Variants in BLMH observed in about 807,000 individuals in gnomAD.
BLMH encodes the protein BLM hydrolase.
A neutral mutation model predicts 61.6 loss-of-function variants in BLMH; 32 were observed. The observed-to-expected ratio is 0.52, with a 90% CI of 0.39 to 0.70. The LOEUF is 0.70. Among genes scored for constraint, BLMH ranks in the 30% least tolerant of loss-of-function variants. The pLI, the probability that BLMH is intolerant of heterozygous loss-of-function variation, is 0.00. For synonymous variants in BLMH, 183 were observed against 193.8 expected, an observed-to-expected ratio of 0.94 and a Z score of 0.46; for missense variants, 460 against 555.5, an observed-to-expected ratio of 0.83 and a Z score of 1.73.
At chr17:30,288,943 G>T (rs1221387907) in intron 3 of BLMH, among the ~76,000 whole-genome samples, 1 of 152,014 alleles carries the variant, frequency 6.6e-6, no homozygotes, top group Non-Finnish European at 1.5e-5. Flanking sequence ...CTCTAGCCCG[G>T]GTGGCAGGGT....
chr17:30,279,087 G>A lies in BLMH; in HGVS notation c.646-4890C>T, dbSNP rs182060076. 1.9e-3 allele frequency among the ~76,000 whole-genome samples: 297 copies of A among 152,320 alleles called. 1 individual carries two copies. The highest frequency in any genetic ancestry group is 0.01 in the Middle Eastern group (3 of 294). The stretch of plus-strand genomic sequence containing the variant: ...GAAAGCTGAAGGCAAAGATATACAC[G>A]GCTCAATGACACCTGGCAACTGATT... On this transcript the variant is annotated intron_variant, in intron 6 of 11. Coordinates refer to ENST00000261714, the MANE Select transcript of BLMH (RefSeq NM_000386.4).
chr17:30,291,271 G>C (rs1484560090), intron 2 of BLMH, 40 bp downstream of exon 2: 2 of 1,585,582 alleles, frequency 1.3e-6, no homozygotes, highest in Non-Finnish European at 1.7e-6. Context: ...GACGCTGTCA[G>C]GAAGGTCAAG....
chr17:30,257,443 TTG>T (rs2143020024), intron 11 of BLMH, among the ~76,000 whole-genome samples: 1 of 152,198 alleles, frequency 6.6e-6, no homozygotes, highest in Admixed American at 6.5e-5. Flanking sequence ...ATGTGTATGT[TTG>T]TACTAAAAAA....
rs532555937 is a variant in BLMH at position 30,283,272 on chromosome 17, TCTA to T, written c.645+2113_645+2115del. ...ATACTCAGGATTTGGTAAAGTTGGA[TCTA>T]CTATTTCTCTGAGGCAGGAGTAGGG... is the stretch of plus-strand genomic sequence containing the variant. On this transcript the variant is annotated intron_variant, in intron 6 of 11. Transcript: ENST00000261714. 3.0e-4 allele frequency among the ~76,000 whole-genome samples: 45 copies of T among 152,264 alleles called. 1 individual carries two copies. The highest frequency in any genetic ancestry group is 1.1e-3 in the African/African-American group (45 of 41,540).
chr17:30,281,175 CAGA>C (rs1908578193), intron 6 of BLMH, among the ~76,000 whole-genome samples: 1 of 148,224 alleles, frequency 6.7e-6, no homozygotes, highest in Admixed American at 6.8e-5. Context: ...TTTTCGGGCA[CAGA>C]AAGACATAAA....
At chr17:30,290,897 G>T (rs1004807836) in intron 2 of BLMH, 12 of 166,434 alleles carry the variant, frequency 7.2e-5, no homozygotes, top group African/African-American at 2.6e-4. Context: ...ACATTTTAAT[G>T]TAATTACATT....
Position 30,291,844 on chromosome 17 carries a change from A to G in BLMH, c.-25T>C. ...TGGCGCCCACGCTGCCCGGCGGGGT[A>G]ACGGTAGCTTCCAGGGTCCTTGGGC... is the stretch of plus-strand genomic sequence containing the variant. On this transcript the variant is annotated 5_prime_UTR_variant, in exon 1 of 12. Transcript: ENST00000261714. 1.5e-6 allele frequency: 2 copies of G among 1,339,696 alleles called. No homozygotes were observed. Among genetic ancestry groups the G allele is most frequent in the Non-Finnish European group, 1.9e-6 (2 of 1,049,852 alleles). 83.0% of individuals were successfully genotyped at this position (1,339,696 alleles called of 1,614,324 possible).
chr17:30,272,684 C>G, intron 8 of BLMH, 56 bp from the exon 9 acceptor site: 1 of 1,613,884 alleles, frequency 6.2e-7, no homozygotes, highest in Non-Finnish European at 8.5e-7. Flanking sequence ...TCCTATTATA[C>G]CAAAGAAGTA....
intron 3 of BLMH, 100 bp downstream of exon 3, chr17:30,289,273 T>C (rs1357427352): frequency 1.1e-5 from 7 of 624,136 alleles, no homozygotes; most frequent in South Asian, 1.1e-4. Context: ...TCACCTATTA[T>C]GAAAGGGCAG....
chr17:30,262,460 C>G (rs11651241), intron 11 of BLMH, among the ~76,000 whole-genome samples: 1 of 152,112 alleles, frequency 6.6e-6, no homozygotes, highest in Non-Finnish European at 1.5e-5. Flanking sequence ...ATCCTGTTTA[C>G]TTTATATATG....
At chr17:30,269,179 T>TA (rs1567834678) in intron 10 of BLMH, among the ~76,000 whole-genome samples, 1 of 144,350 alleles carries the variant, frequency 6.9e-6, no homozygotes, top group Non-Finnish European at 1.5e-5. Flanking sequence ...ATTTATTTAT[T>TA]GTTTTTTTTT....
rs1400501068 is a variant in BLMH, at chr17:30,260,921, C to G, written c.1216+5964G>C. Among the ~76,000 whole-genome samples the G allele has an allele frequency of 4.6e-5, 7 of 152,204 alleles. No individual in the cohort carries two copies. The South Asian group carries it at 8.3e-4, about 18-fold the overall frequency. On this transcript the variant is annotated intron_variant, in intron 11 of 11. Coordinates refer to ENST00000261714, the MANE Select transcript of BLMH (RefSeq NM_000386.4). ...AACAACGGCAACAAAAAGCCCTTATCAAAGAACCCAGAATCCAGATTAATG... is the reference window on the plus strand; with the variant it reads ...AACAACGGCAACAAAAAGCCCTTATGAAAGAACCCAGAATCCAGATTAATG...
intron 11 of BLMH, among the ~76,000 whole-genome samples, chr17:30,258,221 TAAA>T (rs1227765031): frequency 7.0e-6 from 1 of 142,864 alleles, no homozygotes; most frequent in Non-Finnish European, 1.5e-5. Flanking sequence ...GTTGGATGTT[TAAA>T]AAAAAAAAAG....
chr17:30,275,769 A>G (rs1908406857), intron 6 of BLMH, among the ~76,000 whole-genome samples: 1 of 152,192 alleles, frequency 6.6e-6, no homozygotes, highest in Non-Finnish European at 1.5e-5. Flanking sequence ...TTTATCTTCT[A>G]TATCAAATGT....
intron 10 of BLMH, among the ~76,000 whole-genome samples, chr17:30,269,882 TACTACTTAAAGC>T (rs1168392467): frequency 1.3e-5 from 2 of 152,234 alleles, no homozygotes; most frequent in African/African-American, 2.4e-5. Flanking sequence ...CTCAGAGTTC[TACTACTTAAAGC>T]ACTAGCCTTA....
At chr17:30,289,172 T>C (rs1156606698) in intron 3 of BLMH, among the ~76,000 whole-genome samples, 2 of 152,060 alleles carry the variant, frequency 1.3e-5, no homozygotes, top group Non-Finnish European at 2.9e-5. Flanking sequence ...ACTTATTTCA[T>C]TGCAAAAAAA....
At chr17:30,287,519 T>C (rs1038081777) in intron 4 of BLMH, among the ~76,000 whole-genome samples, 4 of 152,254 alleles carry the variant, frequency 2.6e-5, no homozygotes, top group African/African-American at 9.6e-5. Flanking sequence ...ATGTGTTTCC[T>C]GATTACATCA....
rs1214457152 is a variant in BLMH at position 30,291,885 on chromosome 17, G to C, written c.-66C>G. The C allele has an allele frequency of 1.6e-5, 20 of 1,270,154 alleles. No individual in the cohort carries two copies. The highest frequency in any genetic ancestry group is 3.1e-5 in the East Asian group (1 of 32,262). 78.7% of individuals were successfully genotyped at this position (1,270,154 alleles called of 1,614,324 possible). ...GTCCTTGGGCGAGCGCCGGGATTGC[G>C]CTGCGGCTCGCTGCCTAGGGGGCCC... On this transcript the variant is annotated 5_prime_UTR_variant, in exon 1 of 12. Coordinates refer to ENST00000261714, the MANE Select transcript of BLMH (RefSeq NM_000386.4).
chr17:30,291,308 C>A lies in BLMH; in HGVS notation c.211+3G>T. 6.2e-7 allele frequency: 1 copy of A among 1,610,022 alleles called. No homozygotes were observed. Among genetic ancestry groups the A allele is most frequent in the Non-Finnish European group, 8.5e-7 (1 of 1,179,206 alleles). On this transcript the variant is annotated splice_donor_region_variant and intron_variant, in intron 2 of 11. Transcript: ENST00000261714. ...AACGTATGGGAGAAGTGGAAGCCCA[C>A]ACCTGAGCTCTTCTGGTTGGTGATT...
Sources: allele counts gnomAD v4.1 joint callset (sites outside exome capture counted in the v4.1 genomes callset), GRCh38; gene constraint gnomAD v4.1.1; transcripts MANE v1.5; gene names NCBI Gene and HGNC (gene_info 2026-07-23, HGNC 2026-07-21).